RBMS3: variants seen among roughly 807,000 people sequenced by gnomAD.
RBMS3 encodes RNA binding motif single stranded interacting protein 3.
In RBMS3, 27 loss-of-function variants were observed where a neutral mutation model predicts 66.8. That is an observed-to-expected ratio of 0.40 (90% CI 0.30 to 0.56). The LOEUF (loss-of-function observed/expected upper bound fraction) is 0.56. Among genes scored for constraint, RBMS3 ranks in the 20% least tolerant of loss-of-function variants. The pLI is 0.40. For synonymous variants in RBMS3, 188 were observed against 183.0 expected (o/e 1.03, Z -0.22); for missense variants, 513 against 549.5 (o/e 0.93, Z 0.66).
intron 4 of RBMS3, among the ~76,000 whole-genome samples, chr3:29,691,252 C>A (rs1414865785): frequency 6.6e-6 from 1 of 152,106 alleles, no homozygotes; most frequent in South Asian, 2.1e-4. Flanking sequence ...CAAAAGTTTT[C>A]TCTTCTATTT....
chr3:29,660,807 G>T (rs1409612734), intron 4 of RBMS3, among the ~76,000 whole-genome samples: 1 of 151,976 alleles, frequency 6.6e-6, no homozygotes, highest in Non-Finnish European at 1.5e-5. Context: ...AGTCTTTATT[G>T]TCAGCCTCCT....
At position 29,446,121 on chromosome 3, in the gene RBMS3, GCAT is replaced by G. The variant is rs1379472617; in HGVS notation, c.248+11207_248+11209del. ...TCCTACTTAAGAAAACAAAGAGACG[GCAT>G]AATACCATCACAAGAGTAGCACAGA... is the stretch of plus-strand genomic sequence containing the variant. On this transcript the variant is annotated intron_variant, in intron 2 of 14. Coordinates refer to ENST00000383767, the MANE Select transcript of RBMS3 (RefSeq NM_001003793.3). Among the ~76,000 whole-genome samples, 4 of 152,038 alleles carry G rather than the reference GCAT, an allele frequency of 2.6e-5. No homozygotes were observed. The East Asian group carries it at 7.7e-4, about 29-fold the overall frequency.
intron 6 of RBMS3, among the ~76,000 whole-genome samples, chr3:29,846,058 T>C (rs9811634): frequency 0.014 from 2,199 of 151,786 alleles, 46 homozygotes; most frequent in African/African-American, 0.049. Flanking sequence ...CCTTTTTGTC[T>C]ATGAAAAAAA....
intron 6 of RBMS3, among the ~76,000 whole-genome samples, chr3:29,823,887 A>G (rs2058136436): frequency 6.6e-6 from 1 of 152,196 alleles, no homozygotes; most frequent in Admixed American, 6.6e-5. Context: ...AGATTTTACC[A>G]GAAAGTTTTC....
chr3:29,938,484 T>G (rs1420097868), intron 11 of RBMS3, among the ~76,000 whole-genome samples: 1 of 151,906 alleles, frequency 6.6e-6, no homozygotes, highest in African/African-American at 2.4e-5. Context: ...TTTAGTAAGG[T>G]TTAGAAGAGG....
At chr3:29,824,310 A>T (rs931201815) in intron 6 of RBMS3, among the ~76,000 whole-genome samples, 1 of 152,096 alleles carries the variant, frequency 6.6e-6, no homozygotes, top group Non-Finnish European at 1.5e-5. Context: ...AGATGGTGCC[A>T]TCTGTGAGAA....
At chr3:29,851,444 G>T (rs1470878247) in intron 6 of RBMS3, among the ~76,000 whole-genome samples, 2 of 152,110 alleles carry the variant, frequency 1.3e-5, no homozygotes, top group East Asian at 1.9e-4. Flanking sequence ...TATTAGCTGG[G>T]TATACTTAAT....
chr3:29,305,847 G>C (rs957466150), intron 1 of RBMS3, among the ~76,000 whole-genome samples: 1 of 151,998 alleles, frequency 6.6e-6, no homozygotes, highest in Non-Finnish European at 1.5e-5. Flanking sequence ...CTTAGGGAAA[G>C]TTTGTGCTTT....
chr3:29,508,525 A>G (rs1201489727), intron 3 of RBMS3, among the ~76,000 whole-genome samples: 2 of 152,184 alleles, frequency 1.3e-5, no homozygotes, highest in Non-Finnish European at 2.9e-5. Flanking sequence ...TGCAAAGGAC[A>G]TGAACTCATT....
intron 3 of RBMS3, among the ~76,000 whole-genome samples, chr3:29,548,802 A>G (rs933136255): frequency 6.6e-6 from 1 of 152,072 alleles, no homozygotes; most frequent in Non-Finnish European, 1.5e-5. Flanking sequence ...CAGTTTACCA[A>G]GCAAACTCTT....
intron 5 of RBMS3, among the ~76,000 whole-genome samples, chr3:29,746,433 C>T (rs2054893926): frequency 6.6e-6 from 1 of 152,164 alleles, no homozygotes; most frequent in Non-Finnish European, 1.5e-5. Context: ...CAGGTTACAA[C>T]TGTGTTTTCT....
chr3:29,971,334 C>T (rs1029492404), intron 12 of RBMS3, among the ~76,000 whole-genome samples: 1 of 152,072 alleles, frequency 6.6e-6, no homozygotes, highest in African/African-American at 2.4e-5. Context: ...CTTACTTATA[C>T]ATTTGGTATC....
intron 14 of RBMS3, among the ~76,000 whole-genome samples, chr3:29,999,553 A>G (rs1699474734): frequency 6.6e-6 from 1 of 152,216 alleles, no homozygotes; most frequent in Non-Finnish European, 1.5e-5. Flanking sequence ...TGTGGCACAT[A>G]TACACCATGG....
At chr3:29,994,310 A>G (rs1396367484) in intron 14 of RBMS3, among the ~76,000 whole-genome samples, 1 of 152,224 alleles carries the variant, frequency 6.6e-6, no homozygotes, top group Admixed American at 6.5e-5. Flanking sequence ...TTGCTAGCAC[A>G]GCAGTCTGAG....
intron 1 of RBMS3, among the ~76,000 whole-genome samples, chr3:29,407,568 G>A (rs1378462517): frequency 1.3e-5 from 2 of 152,186 alleles, no homozygotes; most frequent in East Asian, 3.8e-4. Flanking sequence ...ATTAAATTAT[G>A]TAGAGTCAAA....
chr3:29,731,401 C>T (rs2054128242), intron 4 of RBMS3, among the ~76,000 whole-genome samples: 1 of 152,112 alleles, frequency 6.6e-6, no homozygotes. Flanking sequence ...AACTGAATCA[C>T]CATGCAGAAC....
chr3:29,731,904 A>C, intron 4 of RBMS3, among the ~76,000 whole-genome samples: 1 of 146,306 alleles, frequency 6.8e-6, no homozygotes, highest in Non-Finnish European at 1.5e-5. Flanking sequence ...CTCTTCCTCT[A>C]TCCCTCCATC....
intron 4 of RBMS3, among the ~76,000 whole-genome samples, chr3:29,703,913 C>T (rs1390544593): frequency 6.6e-6 from 1 of 152,164 alleles, no homozygotes. Context: ...ATCGCCTGCA[C>T]TCCCTCCTGT....
intron 4 of RBMS3, among the ~76,000 whole-genome samples, chr3:29,708,224 A>G (rs1246190600): frequency 1.3e-5 from 2 of 152,214 alleles, no homozygotes; most frequent in South Asian, 2.1e-4. Context: ...AAAAGGCAAG[A>G]TAACAGATTG....
Sources: gnomAD v4.1 joint callset for allele counts (sites outside exome capture counted in the v4.1 genomes callset) on GRCh38, gnomAD v4.1.1 for gene constraint, MANE v1.5 for transcripts, NCBI Gene and HGNC (gene_info 2026-07-23, HGNC 2026-07-21) for gene names.